Variants in BAZ2B observed in about 807,000 individuals in gnomAD.
BAZ2B encodes the protein bromodomain adjacent to zinc finger domain 2B, also known as bromodomain adjacent to zinc finger domain protein 2B.
A neutral mutation model predicts 246.0 loss-of-function variants in BAZ2B; 91 were observed. The observed-to-expected ratio is 0.37, with a 90% confidence interval of 0.31 to 0.44. The LOEUF (loss-of-function observed/expected upper bound fraction) is 0.44, where lower values mean the gene tolerates loss of function less well. BAZ2B is among the 20% of genes least tolerant of loss of function. BAZ2B has a pLI of 1.00. For missense variants in BAZ2B, 2,332 were observed against 2,533.7 expected, an observed-to-expected ratio of 0.92 and a Z score of 1.71; for synonymous variants, 855 against 860.0, an observed-to-expected ratio of 0.99 and a Z score of 0.10.
intron 1 of BAZ2B, among the ~76,000 whole-genome samples, chr2:159,609,232 C>G (rs1694180341): frequency 6.6e-6 from 1 of 152,150 alleles, no homozygotes; most frequent in South Asian, 2.1e-4. Flanking sequence ...TAAGAGCATA[C>G]CTGTGCTTAA....
chr2:159,496,747 C>T (rs1455167988), intron 2 of BAZ2B, among the ~76,000 whole-genome samples: 1 of 127,032 alleles, frequency 7.9e-6, no homozygotes, highest in Admixed American at 9.4e-5. Flanking sequence ...CGCGCCATTG[C>T]ACTCCAGCCT....
chr2:159,377,029 C>T (rs549542577), intron 25 of BAZ2B, among the ~76,000 whole-genome samples: 1 of 152,188 alleles, frequency 6.6e-6, no homozygotes, highest in East Asian at 1.9e-4. Flanking sequence ...GTTAAACTCC[C>T]ATAGGTCTCA....
the BAZ2B span, among the ~76,000 whole-genome samples, chr2:159,675,895 C>T: frequency 3.3e-5 from 5 of 149,940 alleles, no homozygotes; most frequent in Admixed American, 2.7e-4. Context: ...GCACCCCCTA[C>T]GTTCGGCTTT....
chr2:159,655,532 TTCTTGAA>T, the BAZ2B span, among the ~76,000 whole-genome samples: 1 of 152,200 alleles, frequency 6.6e-6, no homozygotes, highest in South Asian at 2.1e-4. Context: ...TTTGTTGAGC[TTCTTGAA>T]TCTCAAGTTT....
At chr2:159,708,306 T>A in the BAZ2B span, among the ~76,000 whole-genome samples, 1 of 152,140 alleles carries the variant, frequency 6.6e-6, no homozygotes, top group African/African-American at 2.4e-5. Flanking sequence ...CTTAAAAACA[T>A]GAATAAAATG....
chr2:159,393,907 T>C (rs1169332765), intron 20 of BAZ2B, among the ~76,000 whole-genome samples: 1 of 152,176 alleles, frequency 6.6e-6, no homozygotes, highest in African/African-American at 2.4e-5. Flanking sequence ...TGGGCAAATA[T>C]GAAAAACCAG....
chr2:159,396,353 T>C (rs1314652070), intron 19 of BAZ2B: 2 of 152,222 alleles, frequency 1.3e-5, no homozygotes, highest in African/African-American at 4.8e-5. Flanking sequence ...AAGCCACCAA[T>C]AAATTAGAGT....
intron 3 of BAZ2B, among the ~76,000 whole-genome samples, chr2:159,467,709 G>C (rs879311008): frequency 3.3e-5 from 5 of 151,982 alleles, no homozygotes; most frequent in Non-Finnish European, 5.9e-5. Flanking sequence ...GAGTGAGGTG[G>C]TCGTATAAAT....
the BAZ2B span, among the ~76,000 whole-genome samples, chr2:159,650,107 C>T: frequency 6.6e-6 from 1 of 151,834 alleles, no homozygotes; most frequent in East Asian, 1.9e-4. Context: ...TTTTACTTAA[C>T]ATGTTTGATC....
chr2:159,602,695 T>C (rs1422237907), intron 1 of BAZ2B, among the ~76,000 whole-genome samples: 1 of 152,282 alleles, frequency 6.6e-6, no homozygotes, highest in African/African-American at 2.4e-5. Flanking sequence ...TTGCCACATA[T>C]ACAAACCAGT....
intron 1 of BAZ2B, among the ~76,000 whole-genome samples, chr2:159,598,446 T>A (rs1197999407): frequency 6.6e-6 from 1 of 152,238 alleles, no homozygotes; most frequent in African/African-American, 2.4e-5. Flanking sequence ...ACATTATTAG[T>A]ACAAATATTT....
chr2:159,701,599 T>C, the BAZ2B span, among the ~76,000 whole-genome samples: 1 of 148,980 alleles, frequency 6.7e-6, no homozygotes, highest in African/African-American at 2.4e-5. Context: ...AGTTTTAAAA[T>C]TTGACTTCAT....
intron 1 of BAZ2B, among the ~76,000 whole-genome samples, chr2:159,605,913 A>G (rs1208239764): frequency 6.6e-6 from 1 of 152,190 alleles, no homozygotes; most frequent in Non-Finnish European, 1.5e-5. Context: ...GGCTTCCTGC[A>G]GCGGGAAGGG....
chr2:159,381,211 C>A (rs2061962341), intron 25 of BAZ2B, among the ~76,000 whole-genome samples: 2 of 152,140 alleles, frequency 1.3e-5, no homozygotes, highest in South Asian at 4.1e-4. Flanking sequence ...ACACCCAGAT[C>A]TATATTTCTA....
At chr2:159,465,155 A>G (rs1044097697) in intron 3 of BAZ2B, among the ~76,000 whole-genome samples, 1 of 152,218 alleles carries the variant, frequency 6.6e-6, no homozygotes, top group Non-Finnish European at 1.5e-5. Flanking sequence ...TGAAGGCACT[A>G]GGAAACATGA....
intron 27 of BAZ2B, among the ~76,000 whole-genome samples, chr2:159,363,237 G>A (rs2059899766): frequency 6.6e-6 from 1 of 152,154 alleles, no homozygotes; most frequent in Non-Finnish European, 1.5e-5. Flanking sequence ...TGGGTAATAC[G>A]TATTACCATT....
intron 34 of BAZ2B, among the ~76,000 whole-genome samples, chr2:159,328,058 C>T (rs1370656328): frequency 2.9e-5 from 3 of 103,530 alleles, no homozygotes; most frequent in African/African-American, 3.8e-5. Flanking sequence ...GAATGAGACT[C>T]AGCCTCAAAA....
rs758163422 is a variant in BAZ2B at position 159,349,729 on chromosome 2, T to C, written c.4842A>G (p.Pro1614=). ...SSAQNPVGLN[P]FALSPLQVKG... ...TAACCTGAAGAGGTGATAAAGCAAA[T>C]GGATTTAAGCCAACAGGATTCTGAG... The change falls in exon 28 of 37, where the codon CCA becomes CCG. Residue 1614 remains proline, a synonymous_variant. Coordinates refer to ENST00000392783, the MANE Select transcript of BAZ2B (RefSeq NM_013450.4). 2.5e-6 allele frequency: 4 copies of C among 1,613,434 alleles called. No homozygotes were observed. The East Asian group carries it at 8.9e-5, about 36-fold the overall frequency.
chr2:159,318,012 AT>A (rs369355321), downstream of BAZ2B, among the ~76,000 whole-genome samples: 407 of 152,062 alleles, frequency 2.7e-3, 5 homozygotes, highest in African/African-American at 9.5e-3. Context: ...TTTTTTTCCT[AT>A]TTATTTTTAA....
Sources: allele counts gnomAD v4.1 joint callset (sites outside exome capture counted in the v4.1 genomes callset), GRCh38; gene constraint gnomAD v4.1.1; transcripts MANE v1.5; gene names NCBI Gene and HGNC (gene_info 2026-07-23, HGNC 2026-07-21).